DOT1L: variants seen among roughly 807,000 people sequenced by gnomAD.
DOT1L encodes DOT1 like histone lysine methyltransferase, also known as histone-lysine N-methyltransferase, H3 lysine-79 specific.
In DOT1L, 33 loss-of-function variants were observed where a neutral mutation model predicts 153.3. The observed-to-expected ratio is 0.22, with a 90% CI of 0.16 to 0.29. DOT1L has a LOEUF of 0.29. DOT1L is among the 10% of genes least tolerant of loss of function. The pLI is 1.00. For missense variants in DOT1L, 1,847 were observed against 2,119.9 expected (o/e 0.87, Z 2.53); for synonymous variants, 1,135 against 965.1 (o/e 1.18, Z -3.26).
rs139131261 is a variant in DOT1L at position 2,230,985 on chromosome 19, C to T, written c.*1193C>T. 1,483 of 246,300 alleles carry T rather than the reference C, an allele frequency of 6.0e-3. 30 individuals are homozygous for T. Among genetic ancestry groups the T allele is most frequent in the African/African-American group, 0.031 (1,404 of 45,958 alleles). 15.3% of individuals were successfully genotyped at this position (246,300 alleles called of 1,614,324 possible). ...CACTGCTGAAACCTGGCCTCTCTGG[C>T]CCTAGGCCCCAGGGTGACGTCGGCC... On this transcript the variant is annotated 3_prime_UTR_variant, in exon 28 of 28. Transcript: ENST00000398665.
At chr19:2,166,361 G>T (rs1463215828) in intron 1 of DOT1L, among the ~76,000 whole-genome samples, 1 of 152,072 alleles carries the variant, frequency 6.6e-6, no homozygotes, top group Non-Finnish European at 1.5e-5. Context: ...CTCCCAAAGT[G>T]CTGGGATTAC....
At position 2,222,744 on chromosome 19, in the gene DOT1L, C is replaced by T; in HGVS notation, c.3390+185C>T. ...TGAAACCCCGTCTCTACCAAAAATA[C>T]AAAAGATTAGCCGGGCGTGGTGGCG... On this transcript the variant is annotated intron_variant, in intron 24 of 27. Coordinates refer to ENST00000398665, the MANE Select transcript of DOT1L (RefSeq NM_032482.3). This position sits in a 1 kb window ranked among gnomAD's most constrained non-coding sequence, Gnocchi z 6.5. 1 of 635,846 alleles carries T rather than the reference C, an allele frequency of 1.6e-6. No individual in the cohort carries two copies. 39.4% of individuals were successfully genotyped at this position (635,846 alleles called of 1,614,324 possible). A position where few individuals can be genotyped will look rare whatever the true frequency, so the allele number is the denominator to read the frequency against.
In DOT1L at chr19:2,211,811, C is replaced by T. The variant is rs2144840220; in HGVS notation, c.1526C>T (p.Ala509Val). 6.4e-7 allele frequency: 1 copy of T among 1,573,082 alleles called. No homozygotes were observed. Among genetic ancestry groups the T allele is most frequent in the Non-Finnish European group, 8.6e-7 (1 of 1,158,934 alleles). Residue 509 changes from alanine to valine, a missense_variant, in exon 16 of 28, where the codon GCC (alanine) becomes GTC (valine). Around this residue, in one of 8 missense-constraint regions of DOT1L, gnomAD observed 156 missense variants for 235.7 expected, o/e 0.66. Coordinates refer to ENST00000398665, the MANE Select transcript of DOT1L (RefSeq NM_032482.3). ...LAYTKTPQYK[A>V]SLQELLGQEK... ...TACACAAAGACCCCCCAGTACAAGG[C>T]CAGCCTGCAGGAGCTGCTGGGCCAG...
At chr19:2,176,559 A>T (rs968297457) in intron 1 of DOT1L, among the ~76,000 whole-genome samples, 3 of 152,174 alleles carry the variant, frequency 2.0e-5, no homozygotes, top group African/African-American at 7.2e-5. Flanking sequence ...CAGCCCTCAC[A>T]CCTGTGAGTC....
chr19:2,222,724 C>T lies in DOT1L; in HGVS notation c.3390+165C>T. The T allele has an allele frequency of 1.5e-6, 1 of 685,134 alleles. No individual in the cohort carries two copies. The highest frequency in any genetic ancestry group is 2.3e-6 in the Non-Finnish European group (1 of 428,598). 42.4% of individuals were successfully genotyped at this position (685,134 alleles called of 1,614,324 possible). A position where few individuals can be genotyped will look rare whatever the true frequency, so the allele number is the denominator to read the frequency against. On this transcript the variant is annotated intron_variant, in intron 24 of 27. Coordinates refer to ENST00000398665, the MANE Select transcript of DOT1L (RefSeq NM_032482.3). The surrounding 1 kb of genome is among the most constrained non-coding windows in gnomAD (Gnocchi z 6.5). Reference sequence around the variant, plus strand: ...GACCATCCTGGCTAACACGGTGAAACCCCGTCTCTACCAAAAATACAAAAG... The same window carrying T: ...GACCATCCTGGCTAACACGGTGAAATCCCGTCTCTACCAAAAATACAAAAG...
At chr19:2,225,624 C>T (rs919219953) in intron 26 of DOT1L, among the ~76,000 whole-genome samples, 172 bp downstream of exon 26, 6 of 151,272 alleles carry the variant, frequency 4.0e-5, no homozygotes, top group South Asian at 2.1e-4. Flanking sequence ...GCGTGGGCGC[C>T]GACACTGGGG....
chr19:2,165,622 AC>A (rs1176926333), intron 1 of DOT1L, among the ~76,000 whole-genome samples: 5 of 152,096 alleles, frequency 3.3e-5, no homozygotes, highest in African/African-American at 1.2e-4. Context: ...AAACTCCAGA[AC>A]CCTTCCAGCC....
At chr19:2,226,084 T>C in intron 26 of DOT1L, 99 bp from the exon 27 acceptor site, 4 of 1,337,950 alleles carry the variant, frequency 3.0e-6, no homozygotes, top group Non-Finnish European at 4.0e-6. Flanking sequence ...CAGCCCTGCC[T>C]GCAGAGTTGC....
intron 3 of DOT1L, among the ~76,000 whole-genome samples, chr19:2,187,898 G>A (rs1161697984): frequency 6.0e-5 from 9 of 150,478 alleles, no homozygotes; most frequent in East Asian, 2.0e-4. Context: ...CTCCAGCCTG[G>A]GTGACAGAGC....
Position 2,204,408 on chromosome 19 carries a change from C to T in DOT1L, c.787+1629C>T, listed in dbSNP as rs1177875341. 6.6e-6 allele frequency among the ~76,000 whole-genome samples: 1 copy of T among 152,098 alleles called. No homozygotes were observed. Among genetic ancestry groups the T allele is most frequent in the Non-Finnish European group, 1.5e-5 (1 of 68,006 alleles). On this transcript the variant is annotated intron_variant, in intron 9 of 27. Transcript: ENST00000398665. This position sits in a 1 kb window ranked among gnomAD's most constrained non-coding sequence, Gnocchi z 5.7. ...GTGTTTCTGACTTATCTTAGAACCA[C>T]GTGAGGACACCATGCTTCCCCGCCC...
Position 2,190,825 on chromosome 19 carries a change from C to T in DOT1L, c.265-187C>T, listed in dbSNP as rs2022760908. The stretch of plus-strand genomic sequence containing the variant: ...TTGGGGCCTGTCCCTGGGGATGCTG[C>T]TTTACTGCTTGTAGGAAATGGGGCT... On this transcript the variant is annotated intron_variant, in intron 4 of 27. Coordinates refer to ENST00000398665, the MANE Select transcript of DOT1L (RefSeq NM_032482.3). This position sits in a 1 kb window ranked among gnomAD's most constrained non-coding sequence, Gnocchi z 4.8. 6.6e-6 allele frequency among the ~76,000 whole-genome samples: 1 copy of T among 151,876 alleles called. No homozygotes were observed. The highest frequency in any genetic ancestry group is 6.6e-5 in the Admixed American group (1 of 15,254).
Position 2,207,952 on chromosome 19 carries a change from C to T in DOT1L, c.963+272C>T, listed in dbSNP as rs1329181954. Among the ~76,000 whole-genome samples the T allele has an allele frequency of 6.6e-6, 1 of 152,096 alleles. No individual in the cohort carries two copies. Among genetic ancestry groups the T allele is most frequent in the African/African-American group, 2.4e-5 (1 of 41,398 alleles). On this transcript the variant is annotated intron_variant, in intron 11 of 27. Transcript: ENST00000398665. The surrounding 1 kb of genome is among the most constrained non-coding windows in gnomAD (Gnocchi z 4.5). The stretch of plus-strand genomic sequence containing the variant: ...TCTACGCTCAGCTCCTGGGGTGGGG[C>T]GGGGCCATCAGAGTGATGTGTGACC...
chr19:2,214,185 C>T, intron 18 of DOT1L, 199 bp downstream of exon 18: 1 of 1,000,970 alleles, frequency 1.0e-6, no homozygotes, highest in Non-Finnish European at 1.4e-6. Context: ...GATGGTTTCT[C>T]AGCGGCCCTG....
Position 2,214,569 on chromosome 19 carries a change from G to A in DOT1L, c.1896G>A (p.Glu632=). ...EKQALKSQIS[E]KQRHCLELQI... ...AGGCCCTGAAGAGCCAGATCTCGGA[G>A]AAGCAGAGGCACTGCCTGGAGCTGC... is the stretch of plus-strand genomic sequence containing the variant. The change falls in exon 19 of 28, where the codon GAG becomes GAA. Residue 632 remains glutamate, a synonymous_variant. Coordinates refer to ENST00000398665, the MANE Select transcript of DOT1L (RefSeq NM_032482.3). 1 of 1,613,142 alleles carries A rather than the reference G, an allele frequency of 6.2e-7. No individual in the cohort carries two copies. The highest frequency in any genetic ancestry group is 8.5e-7 in the Non-Finnish European group (1 of 1,179,878).
At chr19:2,202,804 G>C in intron 9 of DOT1L, 25 bp downstream of exon 9, 1 of 1,613,806 alleles carries the variant, frequency 6.2e-7, no homozygotes, top group Non-Finnish European at 8.5e-7. Context: ...TCGCCGGTCT[G>C]TGCTGGTGTG....
At chr19:2,173,089 C>T (rs2021732634) in intron 1 of DOT1L, among the ~76,000 whole-genome samples, 1 of 152,266 alleles carries the variant, frequency 6.6e-6, no homozygotes, top group Non-Finnish European at 1.5e-5. Context: ...CTAATCACCC[C>T]AAAAGGAAAC....
chr19:2,207,444 C>A lies in DOT1L; in HGVS notation c.857-130C>A. ...GCCTCTGTGGGCCACTGTGGCCTGA[C>A]GCAGTGTGGGAGAAGAGGGAAGACG... On this transcript the variant is annotated intron_variant, in intron 10 of 27. Transcript: ENST00000398665. The surrounding 1 kb of genome is among the most constrained non-coding windows in gnomAD (Gnocchi z 4.5). 1.4e-6 allele frequency: 1 copy of A among 731,984 alleles called. No individual in the cohort carries two copies. Among genetic ancestry groups the A allele is most frequent in the Non-Finnish European group, 2.2e-6 (1 of 454,972 alleles). The allele number at this position is 731,984 out of a possible 1,614,324, so 45.3% of individuals were successfully genotyped here. A position where few individuals can be genotyped will look rare whatever the true frequency, so the allele number is the denominator to read the frequency against.
chr19:2,182,876 T>C (rs1450032435), intron 2 of DOT1L, among the ~76,000 whole-genome samples: 1 of 152,140 alleles, frequency 6.6e-6, no homozygotes, highest in East Asian at 1.9e-4. Context: ...TTGTGTGTTT[T>C]CTGGGGAGCG....
At chr19:2,199,704 C>G (rs2023165608) in intron 7 of DOT1L, among the ~76,000 whole-genome samples, 180 bp from the exon 8 acceptor site, 1 of 152,220 alleles carries the variant, frequency 6.6e-6, no homozygotes, top group Admixed American at 6.5e-5. Context: ...TCTGCGCATC[C>G]CTCTCACGGA....
Sources: gnomAD v4.1 joint callset for allele counts (sites outside exome capture counted in the v4.1 genomes callset) on GRCh38, gnomAD v4.1.1 for gene constraint, gnomAD v4.1.1 regional missense constraint, Gnocchi (gnomAD v3.1) non-coding constraint, MANE v1.5 for transcripts, NCBI Gene and HGNC (gene_info 2026-07-23, HGNC 2026-07-21) for gene names.